The following RANBP17 variants were observed in gnomAD, a reference collection of about 807,000 sequenced individuals.
RANBP17 encodes RAN binding protein 17.
A neutral mutation model predicts 141.2 loss-of-function variants in RANBP17; 158 were observed. That is an observed-to-expected ratio of 1.12 (90% CI 0.98 to 1.28). RANBP17 has a LOEUF of 1.28. Among genes scored for constraint, RANBP17 ranks in the 50% most tolerant of loss-of-function variants. RANBP17 has a pLI of 0.00. For synonymous variants in RANBP17, 430 were observed against 450.0 expected (o/e 0.96, Z 0.56); for missense variants, 1,438 against 1,290.7 (o/e 1.11, Z -1.75).
intron 5 of RANBP17, among the ~76,000 whole-genome samples, chr5:170,901,878 G>C (rs1770667807): frequency 6.6e-6 from 1 of 152,206 alleles, no homozygotes; most frequent in East Asian, 1.9e-4. Flanking sequence ...TAGGGTTTCT[G>C]CAGAGAGATC....
intron 14 of RANBP17, among the ~76,000 whole-genome samples, chr5:170,999,925 A>G (rs1268036995): frequency 6.6e-6 from 1 of 152,184 alleles, no homozygotes. Context: ...GTCCTTGGCA[A>G]CTACCATTCT....
intron 18 of RANBP17, among the ~76,000 whole-genome samples, chr5:171,194,802 A>G (rs1761866259): frequency 6.6e-6 from 1 of 152,232 alleles, no homozygotes; most frequent in South Asian, 2.1e-4. Flanking sequence ...TGACTACACC[A>G]TATTAACAAT....
In RANBP17 at chr5:170,935,307, G is replaced by T. The variant is rs148855089; in HGVS notation, c.1468+10757G>T. Among the ~76,000 whole-genome samples the T allele has an allele frequency of 1.1e-3, 175 of 152,278 alleles. 1 individual carries two copies. The highest frequency in any genetic ancestry group is 5.6e-4 in the Non-Finnish European group (38 of 68,028). ...TGATCGTCTGAAGCCTTCTTCTCTCGAATCGTCAAAGTCATTCTCTGTCCA... is the reference window on the plus strand; with the variant it reads ...TGATCGTCTGAAGCCTTCTTCTCTCTAATCGTCAAAGTCATTCTCTGTCCA... On this transcript the variant is annotated intron_variant, in intron 12 of 27. Transcript: ENST00000523189.
intron 14 of RANBP17, among the ~76,000 whole-genome samples, chr5:171,108,272 A>G (rs1754985776): frequency 6.6e-6 from 1 of 152,144 alleles, no homozygotes; most frequent in East Asian, 1.9e-4. Context: ...TCAGTTTCCT[A>G]TGTATGAAGC....
At position 170,916,573 on chromosome 5, in the gene RANBP17, G is replaced by C; in HGVS notation, c.943G>C (p.Glu315Gln). ...NLIKGVKRIL[E>Q]NPQGLSDPGN... ...AATTAAGGGAGTAAAAAGGATACTT[G>C]AAAACCCTCAGGTATTTATGAAGTA... is the stretch of plus-strand genomic sequence containing the variant. Residue 315 changes from glutamate to glutamine, a missense_variant, in exon 9 of 28, where the codon GAA becomes CAA. Coordinates refer to ENST00000523189, the MANE Select transcript of RANBP17 (RefSeq NM_022897.5). The C allele has an allele frequency of 6.4e-7, 1 of 1,557,632 alleles. No individual in the cohort carries two copies. Among genetic ancestry groups the C allele is most frequent in the African/African-American group, 1.4e-5 (1 of 73,232 alleles).
intron 14 of RANBP17, among the ~76,000 whole-genome samples, chr5:171,167,021 T>G (rs1197211153): frequency 6.6e-6 from 1 of 152,190 alleles, no homozygotes; most frequent in Non-Finnish European, 1.5e-5. Flanking sequence ...ATAATGGGAA[T>G]CAAAGCTAAT....
At chr5:171,004,235 G>C (rs991441270) in intron 14 of RANBP17, among the ~76,000 whole-genome samples, 3 of 152,040 alleles carry the variant, frequency 2.0e-5, no homozygotes, top group African/African-American at 4.8e-5. Flanking sequence ...CATACTTGCG[G>C]GTTAAGGTAG....
intron 14 of RANBP17, among the ~76,000 whole-genome samples, chr5:171,046,198 G>A (rs573605374): frequency 7.1e-4 from 102 of 143,454 alleles, no homozygotes; most frequent in African/African-American, 2.5e-3. Flanking sequence ...CATGCCTATA[G>A]TTCTGCCTTT....
intron 14 of RANBP17, among the ~76,000 whole-genome samples, chr5:171,045,293 G>C (rs561644747): frequency 6.6e-6 from 1 of 152,158 alleles, no homozygotes; most frequent in South Asian, 2.1e-4. Flanking sequence ...AATATGCAAG[G>C]TAGTACTTGA....
chr5:171,258,118 TACACACACACACACACACACACACACAC>T (rs34304503), intron 24 of RANBP17, among the ~76,000 whole-genome samples: 3 of 128,296 alleles, frequency 2.3e-5, no homozygotes, highest in South Asian at 2.6e-4. Context: ...AAAAAAAAAA[TACACACACACACACACACACACACACAC>T]ACACACACAC....
chr5:170,890,627 A>G (rs1769517577), intron 3 of RANBP17, among the ~76,000 whole-genome samples: 1 of 152,174 alleles, frequency 6.6e-6, no homozygotes, highest in South Asian at 2.1e-4. Flanking sequence ...CCCAAATGGC[A>G]TGCTGGCCTT....
chr5:170,991,930 A>G (rs1581336321), intron 14 of RANBP17, among the ~76,000 whole-genome samples: 1 of 152,002 alleles, frequency 6.6e-6, no homozygotes, highest in African/African-American at 2.4e-5. Flanking sequence ...TTGGAAACCA[A>G]CCAATTTATC....
chr5:171,024,902 T>G (rs1186096688), intron 14 of RANBP17, among the ~76,000 whole-genome samples: 1 of 152,194 alleles, frequency 6.6e-6, no homozygotes, highest in East Asian at 1.9e-4. Context: ...TTCTGAATTT[T>G]AAACCTATGT....
chr5:171,091,107 C>G (rs1018298418), intron 14 of RANBP17, among the ~76,000 whole-genome samples: 1 of 152,162 alleles, frequency 6.6e-6, no homozygotes, highest in Non-Finnish European at 1.5e-5. Context: ...CACTGTGCAT[C>G]TGGAAAATCT....
chr5:170,894,649 T>C (rs1769957046), intron 4 of RANBP17, among the ~76,000 whole-genome samples: 1 of 151,964 alleles, frequency 6.6e-6, no homozygotes, highest in South Asian at 2.1e-4. Context: ...TTGTCACATC[T>C]TTAACAGCCT....
At position 171,297,075 on chromosome 5, in the gene RANBP17, G is replaced by A. The variant is rs1768865639; in HGVS notation, c.3170+1061G>A. 2.0e-5 allele frequency among the ~76,000 whole-genome samples: 3 copies of A among 152,130 alleles called. 1 individual carries two copies. The highest frequency in any genetic ancestry group is 4.1e-4 in the South Asian group (2 of 4,822). On this transcript the variant is annotated intron_variant, in intron 27 of 27. Transcript: ENST00000523189. ...AGTTGTGATGTTTAAATGACAGAAC[G>A]CAGTGAAACATGGCACCTGGGACCT... is the stretch of plus-strand genomic sequence containing the variant.
intron 25 of RANBP17, among the ~76,000 whole-genome samples, chr5:171,285,228 C>CT (rs1015907540): frequency 1.3e-5 from 2 of 152,156 alleles, no homozygotes; most frequent in South Asian, 2.1e-4. Flanking sequence ...ATAGGCTGGT[C>CT]TTTTTAGATA....
At chr5:171,006,631 A>G (rs1213079019) in intron 14 of RANBP17, among the ~76,000 whole-genome samples, 7 of 151,970 alleles carry the variant, frequency 4.6e-5, no homozygotes, top group African/African-American at 1.4e-4. Context: ...GTATTAGGAG[A>G]TATACCTAAT....
chr5:170,862,171 C>T, intron 1 of RANBP17, 120 bp downstream of exon 1: 2 of 1,066,530 alleles, frequency 1.9e-6, no homozygotes, highest in Non-Finnish European at 1.2e-6. Flanking sequence ...CCGGTGTCCC[C>T]GGAGTCCCAG....
Sources: gnomAD v4.1 joint callset for allele counts (sites outside exome capture counted in the v4.1 genomes callset) on GRCh38, gnomAD v4.1.1 for gene constraint, MANE v1.5 for transcripts, NCBI Gene and HGNC (gene_info 2026-07-23, HGNC 2026-07-21) for gene names.